Variants in FSTL4 observed in about 807,000 individuals in gnomAD.
FSTL4 encodes the protein follistatin-related protein 4.
In FSTL4, 28 loss-of-function variants were observed where a neutral mutation model predicts 78.2. The ratio of observed to expected loss-of-function variants is 0.36; its 90% CI spans 0.27 to 0.49. The LOEUF (loss-of-function observed/expected upper bound fraction) is 0.49. Ranked by LOEUF, FSTL4 falls within the 20% of genes least tolerant of loss-of-function variation. The pLI, the probability that FSTL4 is intolerant of heterozygous loss-of-function variation, is 0.98. For synonymous variants in FSTL4, 422 were observed against 440.5 expected (o/e 0.96, Z 0.53); for missense variants, 922 against 1,084.9 (o/e 0.85, Z 2.11).
At chr5:133,654,847 T>C in the FSTL4 span, among the ~76,000 whole-genome samples, 1 of 152,212 alleles carries the variant, frequency 6.6e-6, no homozygotes, top group Non-Finnish European at 1.5e-5. Flanking sequence ...AGGGCTGCCC[T>C]GGCCACCTCG....
intron 6 of FSTL4, among the ~76,000 whole-genome samples, chr5:133,301,814 G>A (rs1263665601): frequency 1.3e-5 from 2 of 152,116 alleles, no homozygotes; most frequent in Non-Finnish European, 2.9e-5. Context: ...GCACGGGATG[G>A]GACTGTTGCT....
chr5:133,680,946 C>G, the FSTL4 span, among the ~76,000 whole-genome samples: 1 of 152,170 alleles, frequency 6.6e-6, no homozygotes, highest in Admixed American at 6.5e-5. Context: ...AGAACTGAAC[C>G]CAGACCTGTG....
At chr5:133,213,001 T>TAGA (rs1250044484) in intron 13 of FSTL4, among the ~76,000 whole-genome samples, 1 of 147,606 alleles carries the variant, frequency 6.8e-6, no homozygotes, top group African/African-American at 2.6e-5. Context: ...CAGTGAAGAA[T>TAGA]AGAAAGTAAA....
At chr5:133,543,037 T>C (rs1759509221) in intron 3 of FSTL4, among the ~76,000 whole-genome samples, 1 of 152,076 alleles carries the variant, frequency 6.6e-6, no homozygotes. Flanking sequence ...GAGGTGGAGA[T>C]GTTTAACTCA....
chr5:133,582,926 T>C (rs1760460305), intron 2 of FSTL4, among the ~76,000 whole-genome samples: 1 of 152,108 alleles, frequency 6.6e-6, no homozygotes, highest in South Asian at 2.1e-4. Flanking sequence ...GGCCATCCCA[T>C]AGCGCAGGGG....
At chr5:133,517,447 A>AAAAAATATATATATATATAT (rs1554068019) in intron 3 of FSTL4, among the ~76,000 whole-genome samples, 2 of 16,394 alleles carry the variant, frequency 1.2e-4, no homozygotes, top group African/African-American at 5.6e-4. Flanking sequence ...AAAAAAAAAA[A>AAAAAATATATATATATATAT]ATATATATAT....
At chr5:133,835,440 C>T in the FSTL4 span, among the ~76,000 whole-genome samples, 2 of 152,174 alleles carry the variant, frequency 1.3e-5, no homozygotes, top group African/African-American at 4.8e-5. Flanking sequence ...GTTTGGCATT[C>T]TTTAAAGTTC....
chr5:133,289,440 C>T (rs1753207244), intron 6 of FSTL4, among the ~76,000 whole-genome samples: 1 of 152,208 alleles, frequency 6.6e-6, no homozygotes, highest in African/African-American at 2.4e-5. Context: ...TGTGGTTTAA[C>T]ACTTGATATT....
chr5:133,648,580 C>A, the FSTL4 span, among the ~76,000 whole-genome samples: 6 of 152,280 alleles, frequency 3.9e-5, no homozygotes, highest in Admixed American at 3.3e-4. Context: ...TGGGAAGAAG[C>A]TTAATGCAGC....
intron 3 of FSTL4, among the ~76,000 whole-genome samples, chr5:133,546,870 T>C (rs1463663389): frequency 6.6e-6 from 1 of 152,134 alleles, no homozygotes; most frequent in East Asian, 1.9e-4. Context: ...AGTTGACCTT[T>C]GTGACATTCA....
intron 3 of FSTL4, among the ~76,000 whole-genome samples, chr5:133,515,669 A>C (rs954202884): frequency 6.7e-6 from 1 of 150,336 alleles, no homozygotes; most frequent in Non-Finnish European, 1.5e-5. Flanking sequence ...CTCAACAAAT[A>C]TCACCTGCTT....
chr5:133,726,228 T>A, the FSTL4 span, among the ~76,000 whole-genome samples: 1 of 152,200 alleles, frequency 6.6e-6, no homozygotes, highest in African/African-American at 2.4e-5. Context: ...GGCTAAAAAG[T>A]GGTTGCATGA....
At chr5:133,257,306 G>A (rs1450909528) in intron 6 of FSTL4, among the ~76,000 whole-genome samples, 2 of 152,174 alleles carry the variant, frequency 1.3e-5, no homozygotes, top group African/African-American at 2.4e-5. Context: ...TTAAGGGCCC[G>A]TGACTCCTGT....
intron 3 of FSTL4, among the ~76,000 whole-genome samples, chr5:133,430,543 C>G (rs1580703844): frequency 6.6e-6 from 1 of 152,166 alleles, no homozygotes; most frequent in East Asian, 1.9e-4. Flanking sequence ...CATGAACTAG[C>G]AAGAGAAGTG....
the FSTL4 span, among the ~76,000 whole-genome samples, chr5:133,667,150 G>T: frequency 6.6e-6 from 1 of 152,262 alleles, no homozygotes; most frequent in Middle Eastern, 3.4e-3. Context: ...CTTGCTTCTA[G>T]GTTCTCAGGG....
At chr5:133,281,716 AG>A (rs937041173) in intron 6 of FSTL4, among the ~76,000 whole-genome samples, 60 of 152,266 alleles carry the variant, frequency 3.9e-4, no homozygotes, top group African/African-American at 1.4e-3. Flanking sequence ...TGCACTGGCA[AG>A]GCCCCCTGTT....
At chr5:133,735,157 C>A in the FSTL4 span, among the ~76,000 whole-genome samples, 1 of 152,116 alleles carries the variant, frequency 6.6e-6, no homozygotes, top group South Asian at 2.1e-4. Flanking sequence ...ATCCCACAAC[C>A]AACATGAATT....
intron 3 of FSTL4, chr5:133,458,159 A>T (rs1436926642): frequency 6.6e-6 from 1 of 152,196 alleles, no homozygotes; most frequent in African/African-American, 2.4e-5. Flanking sequence ...AAAGGATGAT[A>T]TTGTCTTCCA....
the FSTL4 span, among the ~76,000 whole-genome samples, chr5:133,629,311 G>A: frequency 1.3e-5 from 2 of 152,034 alleles, no homozygotes; most frequent in Non-Finnish European, 2.9e-5. Flanking sequence ...CTTGCATGGG[G>A]ATATCACCAC....
Sources: allele counts gnomAD v4.1 joint callset (sites outside exome capture counted in the v4.1 genomes callset), GRCh38; gene constraint gnomAD v4.1.1; transcripts MANE v1.5; gene names NCBI Gene and HGNC (gene_info 2026-07-23, HGNC 2026-07-21).